The following PARD3B variants were observed in gnomAD, a reference collection of about 807,000 sequenced individuals.
The protein encoded by PARD3B is partitioning defective 3 homolog B.
A neutral mutation model predicts 130.2 loss-of-function variants in PARD3B; 103 were observed. That is an observed-to-expected ratio of 0.79 (90% CI 0.67 to 0.93). The LOEUF is 0.93. Among genes scored for constraint, PARD3B ranks in the 40% least tolerant of loss-of-function variants. PARD3B has a pLI of 0.00. For synonymous variants in PARD3B, 583 were observed against 553.2 expected (o/e 1.05, Z -0.76); for missense variants, 1,609 against 1,499.2 (o/e 1.07, Z -1.21).
chr2:205,315,110 A>G (rs1382039335), intron 18 of PARD3B, among the ~76,000 whole-genome samples: 3 of 152,102 alleles, frequency 2.0e-5, no homozygotes, highest in Non-Finnish European at 4.4e-5. Flanking sequence ...ATAGCTACCA[A>G]TCATTCGTTT....
At chr2:204,938,150 T>C (rs1286773755) in intron 2 of PARD3B, among the ~76,000 whole-genome samples, 1 of 152,314 alleles carries the variant, frequency 6.6e-6, no homozygotes, top group Non-Finnish European at 1.5e-5. Flanking sequence ...TTAATACAAT[T>C]TCTCATTGGA....
At position 204,750,829 on chromosome 2, in the gene PARD3B, T is replaced by A. The variant is rs2040436964; in HGVS notation, c.222+64547T>A. Reference sequence around the variant, plus strand: ...TTTTTAAAGTGTGAGCACACATAATTTTATATAATATCTTCATCAGATTTA... The same window carrying A: ...TTTTTAAAGTGTGAGCACACATAATATTATATAATATCTTCATCAGATTTA... On this transcript the variant is annotated intron_variant, in intron 2 of 22. Transcript: ENST00000406610. 5.9e-5 allele frequency among the ~76,000 whole-genome samples: 9 copies of A among 152,190 alleles called. No individual in the cohort carries two copies. In the South Asian group the frequency reaches 1.9e-3, roughly 31 times the overall value.
intron 18 of PARD3B, among the ~76,000 whole-genome samples, chr2:205,314,762 G>T (rs2042504198): frequency 1.3e-5 from 2 of 152,112 alleles, no homozygotes; most frequent in South Asian, 4.1e-4. Flanking sequence ...GATCATTTCT[G>T]CACAGTGGCC....
chr2:205,471,082 GTCTT>G (rs1158253256), intron 20 of PARD3B, among the ~76,000 whole-genome samples: 1 of 152,118 alleles, frequency 6.6e-6, no homozygotes, highest in Non-Finnish European at 1.5e-5. Context: ...GGTCAGCTGT[GTCTT>G]TTTAAGTGGA....
At chr2:204,655,626 C>T (rs1574628523) in intron 1 of PARD3B, among the ~76,000 whole-genome samples, 1 of 152,098 alleles carries the variant, frequency 6.6e-6, no homozygotes, top group African/African-American at 2.4e-5. Context: ...GATCATGACC[C>T]AGGACATACT....
In PARD3B at chr2:204,842,987, G is replaced by A. The variant is rs116211506; in HGVS notation, c.223-122165G>A. 3.8e-3 allele frequency among the ~76,000 whole-genome samples: 581 copies of A among 152,212 alleles called. 6 individuals are homozygous for A. The highest frequency in any genetic ancestry group is 0.013 in the African/African-American group (539 of 41,506). On this transcript the variant is annotated intron_variant, in intron 2 of 22. Coordinates refer to ENST00000406610, the MANE Select transcript of PARD3B (RefSeq NM_001302769.2). ...CAAGATCTGCAGTTCTCAAACTCCA[G>A]GGTTAATCAGAATCTCCTGGAGGGC...
intron 2 of PARD3B, among the ~76,000 whole-genome samples, chr2:204,842,845 C>G (rs367807307): frequency 5.9e-5 from 9 of 152,134 alleles, no homozygotes; most frequent in African/African-American, 2.2e-4. Context: ...GCTACCTTAG[C>G]TCCTCAAAGC....
intron 19 of PARD3B, among the ~76,000 whole-genome samples, chr2:205,428,792 T>C (rs922299940): frequency 6.6e-6 from 1 of 152,064 alleles, no homozygotes; most frequent in Non-Finnish European, 1.5e-5. Flanking sequence ...ACATATGGGC[T>C]TTTTTTCCCC....
intron 21 of PARD3B, among the ~76,000 whole-genome samples, chr2:205,524,891 T>C (rs946070486): frequency 1.3e-5 from 2 of 152,196 alleles, no homozygotes; most frequent in African/African-American, 4.8e-5. Context: ...TGACTCACAC[T>C]GGTGCAAGTT....
intron 18 of PARD3B, among the ~76,000 whole-genome samples, chr2:205,316,411 G>A (rs931638351): frequency 6.6e-6 from 1 of 152,186 alleles, no homozygotes. Flanking sequence ...TGAACAGGTT[G>A]TAGAATTGAC....
rs532014398 is a variant in PARD3B, at chr2:205,431,490, G to A, written c.2742-8880G>A. ...CATTATATCAATTTTTTTTTTTTGA[G>A]ACAGAGTCTTGCACTGTTGTCCAGG... On this transcript the variant is annotated intron_variant, in intron 19 of 22. Transcript: ENST00000406610. Among the ~76,000 whole-genome samples, 8 of 150,216 alleles carry A rather than the reference G, an allele frequency of 5.3e-5. No individual in the cohort carries two copies. In the South Asian group the frequency reaches 1.7e-3, roughly 32 times the overall value.
chr2:204,922,749 A>G (rs2047731744), intron 2 of PARD3B, among the ~76,000 whole-genome samples: 1 of 152,080 alleles, frequency 6.6e-6, no homozygotes, highest in Non-Finnish European at 1.5e-5. Flanking sequence ...CCCCAAGGGG[A>G]ACCAAGGAAG....
At chr2:205,182,074 C>T (rs549875609) in intron 13 of PARD3B, among the ~76,000 whole-genome samples, 1 of 152,302 alleles carries the variant, frequency 6.6e-6, no homozygotes, top group East Asian at 1.9e-4. Context: ...AGGCAGATCA[C>T]GAGGTCAGGA....
At chr2:205,143,632 C>G (rs961698014) in intron 10 of PARD3B, among the ~76,000 whole-genome samples, 2 of 152,094 alleles carry the variant, frequency 1.3e-5, no homozygotes, top group Non-Finnish European at 2.9e-5. Context: ...AAGATGAATA[C>G]TGAGGAAGAG....
At chr2:205,613,967 G>A (rs2055328111) in intron 22 of PARD3B, among the ~76,000 whole-genome samples, 1 of 152,188 alleles carries the variant, frequency 6.6e-6, no homozygotes, top group Non-Finnish European at 1.5e-5. Context: ...TCCTAGCAGT[G>A]TGTCTGACAT....
At chr2:205,296,879 A>T (rs968376775) in intron 16 of PARD3B, among the ~76,000 whole-genome samples, 4 of 151,660 alleles carry the variant, frequency 2.6e-5, no homozygotes, top group Non-Finnish European at 4.4e-5. Context: ...ATCTTTTTAA[A>T]AAAAAAAAAA....
rs1213927015 is a variant in PARD3B at position 204,645,711 on chromosome 2, C to A, written c.121-40470C>A. On this transcript the variant is annotated intron_variant, in intron 1 of 22. Coordinates refer to ENST00000406610, the MANE Select transcript of PARD3B (RefSeq NM_001302769.2). ...ATGATGACTGAATTATTTTAATACA[C>A]AAATATGAAGTGACCATATAACTTC... Among the ~76,000 whole-genome samples the A allele has an allele frequency of 5.3e-5, 8 of 152,200 alleles. No homozygotes were observed. In the South Asian group the frequency reaches 1.7e-3, roughly 32 times the overall value.
intron 2 of PARD3B, among the ~76,000 whole-genome samples, chr2:204,717,616 G>A (rs1367501837): frequency 6.6e-6 from 1 of 151,874 alleles, no homozygotes; most frequent in Non-Finnish European, 1.5e-5. Flanking sequence ...AAGGAATGAT[G>A]AACATTATAG....
intron 4 of PARD3B, among the ~76,000 whole-genome samples, chr2:205,103,402 T>C (rs1314493909): frequency 7.1e-6 from 1 of 141,636 alleles, no homozygotes; most frequent in East Asian, 2.0e-4. Flanking sequence ...ATTATATAAA[T>C]AAAATATTTA....
Sources: allele counts gnomAD v4.1 joint callset (sites outside exome capture counted in the v4.1 genomes callset), GRCh38; gene constraint gnomAD v4.1.1; transcripts MANE v1.5; gene names NCBI Gene and HGNC (gene_info 2026-07-23, HGNC 2026-07-21).